Variants in SPPL3 observed in about 807,000 individuals in gnomAD.
SPPL3 encodes signal peptide peptidase like 3, also known as signal peptide peptidase-like 3.
SPPL3 carries 5 observed loss-of-function variants against 42.4 expected under a neutral mutation model. That is an observed-to-expected ratio of 0.12 (90% confidence interval 0.06 to 0.25). The LOEUF (loss-of-function observed/expected upper bound fraction) is 0.25. Among genes scored for constraint, SPPL3 ranks in the 10% least tolerant of loss-of-function variants. The probability of loss-of-function intolerance (pLI) is 1.00; values close to 1 mark genes in which losing one functional copy is unlikely to be tolerated. For missense variants in SPPL3, 235 were observed against 489.0 expected, an observed-to-expected ratio of 0.48 and a Z score of 4.90; for synonymous variants, 195 against 181.8, an observed-to-expected ratio of 1.07 and a Z score of -0.58.
At chr12:120,896,021 T>C (rs1873790589) in intron 1 of SPPL3, among the ~76,000 whole-genome samples, 1 of 152,002 alleles carries the variant, frequency 6.6e-6, no homozygotes, top group African/African-American at 2.4e-5. Flanking sequence ...CTAGGATACA[T>C]CTCCACTTCA....
chr12:120,784,767 T>G (rs950733881), intron 3 of SPPL3, among the ~76,000 whole-genome samples, 174 bp from the exon 4 acceptor site: 3 of 152,172 alleles, frequency 2.0e-5, no homozygotes, highest in Non-Finnish European at 4.4e-5. Context: ...AGCTCCTTGT[T>G]CTCTTCATGG....
intron 1 of SPPL3, among the ~76,000 whole-genome samples, chr12:120,844,943 T>C (rs563853760): frequency 2.0e-5 from 3 of 151,608 alleles, no homozygotes; most frequent in East Asian, 3.9e-4. Flanking sequence ...ACTATTTACA[T>C]TGAATAAAAA....
intron 1 of SPPL3, among the ~76,000 whole-genome samples, chr12:120,848,567 C>T (rs1297909477): frequency 6.6e-6 from 1 of 152,158 alleles, no homozygotes; most frequent in Non-Finnish European, 1.5e-5. Flanking sequence ...GTCTATCTAA[C>T]AAGTATTATT....
intron 1 of SPPL3, chr12:120,845,560 TG>T: frequency 2.1e-6 from 1 of 481,190 alleles, no homozygotes; most frequent in Non-Finnish European, 4.0e-6. Context: ...TACTGGACTG[TG>T]GTCTTCCCTG....
chr12:120,861,956 C>T (rs1872628483), intron 1 of SPPL3, among the ~76,000 whole-genome samples: 1 of 152,056 alleles, frequency 6.6e-6, no homozygotes, highest in African/African-American at 2.4e-5. Context: ...TTTTGAGCAA[C>T]ATACTTGAAG....
Position 120,858,661 on chromosome 12 carries a change from A to G in SPPL3, c.23+45184T>C, listed in dbSNP as rs984823798. Among the ~76,000 whole-genome samples, 19 of 152,264 alleles carry G rather than the reference A, an allele frequency of 1.2e-4. No homozygotes were observed. In the East Asian group the frequency reaches 3.1e-3, roughly 25 times the overall value. On this transcript the variant is annotated intron_variant, in intron 1 of 10. Coordinates refer to ENST00000353487, the MANE Select transcript of SPPL3 (RefSeq NM_139015.5). ...AGTAAATAGGATGGAAAAGTTAAGA[A>G]AGGGATAAAAAGATTAGAGAGCGGC... is the stretch of plus-strand genomic sequence containing the variant.
At chr12:120,786,221 C>G (rs1330913830) in intron 3 of SPPL3, among the ~76,000 whole-genome samples, 1 of 152,172 alleles carries the variant, frequency 6.6e-6, no homozygotes, top group Non-Finnish European at 1.5e-5. Flanking sequence ...AGCAGTCTGT[C>G]CTGACCCTAG....
chr12:120,871,809 C>T (rs1447400077), intron 1 of SPPL3, among the ~76,000 whole-genome samples: 1 of 152,076 alleles, frequency 6.6e-6, no homozygotes, highest in African/African-American at 2.4e-5. Flanking sequence ...ACATATCCTT[C>T]CATATACTTT....
At chr12:120,778,292 CT>C (rs1390128599) in intron 6 of SPPL3, among the ~76,000 whole-genome samples, 1 of 151,328 alleles carries the variant, frequency 6.6e-6, no homozygotes, top group African/African-American at 2.4e-5. Context: ...AATTTTTGAA[CT>C]TTTAGTAGAG....
In SPPL3 at chr12:120,903,475, TC is replaced by T. The variant is rs932228365; in HGVS notation, c.23+369del. 3 of 254,654 alleles carry T rather than the reference TC, an allele frequency of 1.2e-5. No individual in the cohort carries two copies. In the Admixed American group the frequency reaches 1.8e-4, roughly 15 times the overall value. 15.8% of individuals were successfully genotyped at this position (254,654 alleles called of 1,614,324 possible). A position where few individuals can be genotyped will look rare whatever the true frequency, so the allele number is the denominator to read the frequency against. Reference sequence around the variant, plus strand: ...GCCTGCCTCTCTCCACCCCTTCGAGTCCTCCTGCCCAGGAAACACCCCCACG... The same window carrying T: ...GCCTGCCTCTCTCCACCCCTTCGAGTCTCCTGCCCAGGAAACACCCCCACG... On this transcript the variant is annotated intron_variant, in intron 1 of 10. Coordinates refer to ENST00000353487, the MANE Select transcript of SPPL3 (RefSeq NM_139015.5).
intron 1 of SPPL3, among the ~76,000 whole-genome samples, chr12:120,841,991 AAACT>A (rs1489481311): frequency 1.3e-5 from 2 of 152,260 alleles, no homozygotes; most frequent in African/African-American, 4.8e-5. Flanking sequence ...GACACTAAAT[AAACT>A]ATTACATCTA....
intron 2 of SPPL3, among the ~76,000 whole-genome samples, chr12:120,806,965 T>C (rs1423401669): frequency 6.6e-6 from 1 of 152,144 alleles, no homozygotes; most frequent in Non-Finnish European, 1.5e-5. Context: ...GCATGATCCA[T>C]AAAACGTGAA....
At chr12:120,892,984 G>GAAAAA (rs11373013) in intron 1 of SPPL3, among the ~76,000 whole-genome samples, 2 of 126,108 alleles carry the variant, frequency 1.6e-5, no homozygotes, top group African/African-American at 3.0e-5. Flanking sequence ...TCTGTCTCGG[G>GAAAAA]AAAAAAAAAA....
chr12:120,894,821 C>G (rs10849813), intron 1 of SPPL3, among the ~76,000 whole-genome samples: 29,497 of 152,066 alleles, frequency 0.19, 4,516 homozygotes, highest in African/African-American at 0.41. Flanking sequence ...GTGGCGCATG[C>G]CTGTAATACC....
chr12:120,894,688 G>A (rs538320262), intron 1 of SPPL3, among the ~76,000 whole-genome samples: 23 of 152,320 alleles, frequency 1.5e-4, no homozygotes, highest in African/African-American at 5.3e-4. Flanking sequence ...GCTCATGCCT[G>A]TAATCCCAGC....
chr12:120,806,791 G>A (rs11065272), intron 2 of SPPL3, among the ~76,000 whole-genome samples: 36,008 of 150,978 alleles, frequency 0.24, 5,462 homozygotes, highest in African/African-American at 0.42. Context: ...AGCTTGCAGC[G>A]AGCTGAGATC....
intron 2 of SPPL3, among the ~76,000 whole-genome samples, chr12:120,809,243 G>A (rs1870602519): frequency 6.6e-6 from 1 of 152,104 alleles, no homozygotes; most frequent in Non-Finnish European, 1.5e-5. Context: ...TATTCAGGAG[G>A]CCGAGACAGA....
At chr12:120,898,165 A>C (rs1329356193) in intron 1 of SPPL3, among the ~76,000 whole-genome samples, 1 of 151,854 alleles carries the variant, frequency 6.6e-6, no homozygotes. Flanking sequence ...TTAGCTGGGC[A>C]TGGTGGAGCC....
chr12:120,820,129 CA>C (rs1871010737), intron 1 of SPPL3, among the ~76,000 whole-genome samples: 1 of 152,118 alleles, frequency 6.6e-6, no homozygotes, highest in South Asian at 2.1e-4. Flanking sequence ...AACACCTTCT[CA>C]CATGCAATTC....
Sources: gnomAD v4.1 joint callset for allele counts (sites outside exome capture counted in the v4.1 genomes callset) on GRCh38, gnomAD v4.1.1 for gene constraint, MANE v1.5 for transcripts, NCBI Gene and HGNC (gene_info 2026-07-23, HGNC 2026-07-21) for gene names.